The following YEATS4 variants were observed in gnomAD, a reference collection of about 807,000 sequenced individuals.
YEATS4 encodes the protein YEATS domain containing 4, also known as YEATS domain-containing protein 4.
In YEATS4, 17 loss-of-function variants were observed where a neutral mutation model predicts 30.1. That is an observed-to-expected ratio of 0.56 (90% CI 0.39 to 0.85). The LOEUF (loss-of-function observed/expected upper bound fraction) is 0.85, where lower values mean the gene tolerates loss of function less well. YEATS4 is among the 40% of genes least tolerant of loss of function. The probability of loss-of-function intolerance (pLI) is 0.00; values close to 1 mark genes in which losing one functional copy is unlikely to be tolerated. For synonymous variants in YEATS4, 85 were observed against 87.5 expected (o/e 0.97, Z 0.16); for missense variants, 142 against 268.3 (o/e 0.53, Z 3.29).
intron 6 of YEATS4, among the ~76,000 whole-genome samples, chr12:69,380,866 C>T (rs979623128): frequency 6.6e-6 from 1 of 152,096 alleles, no homozygotes. Context: ...GCCACAAAAC[C>T]AGCAAGTTTT....
chr12:69,411,155 A>G, the YEATS4 span, among the ~76,000 whole-genome samples: 107,035 of 152,082 alleles, frequency 0.7, 37,816 homozygotes, highest in East Asian at 0.81. Context: ...TTTGAGATAG[A>G]GGCTCACTGT....
the YEATS4 span, among the ~76,000 whole-genome samples, chr12:69,409,341 G>C: frequency 7.9e-5 from 12 of 152,160 alleles, no homozygotes; most frequent in Non-Finnish European, 1.5e-4. Context: ...TTTTGGCCAG[G>C]TGTGGTGGCT....
intron 1 of YEATS4, among the ~76,000 whole-genome samples, chr12:69,360,450 C>T (rs1477514650): frequency 6.6e-6 from 1 of 152,110 alleles, no homozygotes; most frequent in South Asian, 2.1e-4. Flanking sequence ...TTTCCAAGTG[C>T]GGTAACTGAG....
chr12:69,400,259 A>G, the YEATS4 span, among the ~76,000 whole-genome samples: 1 of 152,146 alleles, frequency 6.6e-6, no homozygotes, highest in Non-Finnish European at 1.5e-5. Flanking sequence ...GCTTTGCCCA[A>G]GGTCACATAC....
chr12:69,418,550 T>C, the YEATS4 span, among the ~76,000 whole-genome samples: 275 of 152,316 alleles, frequency 1.8e-3, 2 homozygotes, highest in African/African-American at 6.3e-3. Context: ...CAAATGCTCA[T>C]CTAAAACATT....
intron 2 of YEATS4, among the ~76,000 whole-genome samples, chr12:69,364,883 G>C (rs1390938739): frequency 6.6e-6 from 1 of 152,046 alleles, no homozygotes; most frequent in Non-Finnish European, 1.5e-5. Context: ...GCCTCCCAAA[G>C]TGCTGGGATT....
chr12:69,397,578 C>T, the YEATS4 span, among the ~76,000 whole-genome samples: 2 of 152,204 alleles, frequency 1.3e-5, no homozygotes, highest in Non-Finnish European at 2.9e-5. Flanking sequence ...CATGCCTTTG[C>T]TCATCTTTCA....
the YEATS4 span, among the ~76,000 whole-genome samples, chr12:69,412,768 G>C: frequency 6.6e-6 from 1 of 152,184 alleles, no homozygotes; most frequent in Non-Finnish European, 1.5e-5. Flanking sequence ...GAGTGCATAG[G>C]CTTGGGCTAC....
intron 6 of YEATS4, among the ~76,000 whole-genome samples, chr12:69,388,630 TG>T (rs1781807788): frequency 6.6e-6 from 1 of 152,248 alleles, no homozygotes; most frequent in African/African-American, 2.4e-5. Context: ...CATATCCAAG[TG>T]GCATATTTAA....
intron 4 of YEATS4, among the ~76,000 whole-genome samples, chr12:69,367,237 C>A (rs1875470173): frequency 6.6e-6 from 1 of 152,086 alleles, no homozygotes; most frequent in South Asian, 2.1e-4. Context: ...CCTTAGTTTT[C>A]TTTTCTCATG....
At chr12:69,419,215 CTT>C in the YEATS4 span, among the ~76,000 whole-genome samples, 760 of 116,524 alleles carry the variant, frequency 6.5e-3, 12 homozygotes, top group African/African-American at 0.022. Context: ...TCCTATTTTA[CTT>C]TTTTTTTTTT....
chr12:69,394,761 A>C (rs1044289570), downstream of YEATS4, among the ~76,000 whole-genome samples: 1 of 152,098 alleles, frequency 6.6e-6, no homozygotes. Flanking sequence ...CACCATGCCC[A>C]GCTAATTTTT....
chr12:69,387,003 AC>A (rs948386058), intron 6 of YEATS4, among the ~76,000 whole-genome samples: 4 of 150,972 alleles, frequency 2.6e-5, no homozygotes, highest in Admixed American at 6.6e-5. Context: ...TCCCCACCCC[AC>A]CCCCCAAAAA....
At chr12:69,374,734 A>C (rs1025236453) in intron 6 of YEATS4, among the ~76,000 whole-genome samples, 7 of 151,384 alleles carry the variant, frequency 4.6e-5, no homozygotes, top group Admixed American at 3.3e-4. Flanking sequence ...AGGCAGAAGA[A>C]TTTTTCTTAG....
chr12:69,426,759 A>AT, the YEATS4 span, among the ~76,000 whole-genome samples: 4 of 152,184 alleles, frequency 2.6e-5, no homozygotes, highest in Non-Finnish European at 5.9e-5. Flanking sequence ...ACCATTATCT[A>AT]TGGGGGCATT....
chr12:69,400,585 C>T, the YEATS4 span, among the ~76,000 whole-genome samples: 4 of 151,716 alleles, frequency 2.6e-5, no homozygotes, highest in Non-Finnish European at 5.9e-5. Flanking sequence ...TGGTGGCTTA[C>T]GCCTGTAATC....
the YEATS4 span, among the ~76,000 whole-genome samples, chr12:69,414,590 A>G: frequency 6.6e-6 from 1 of 152,232 alleles, no homozygotes; most frequent in Non-Finnish European, 1.5e-5. Flanking sequence ...CTATACAGGA[A>G]TAGGAAAAGA....
chr12:69,407,380 T>TATTA, the YEATS4 span, among the ~76,000 whole-genome samples: 1 of 152,146 alleles, frequency 6.6e-6, no homozygotes, highest in East Asian at 1.9e-4. Flanking sequence ...GCTGAATACA[T>TATTA]ATTAATTAAT....
chr12:69,400,006 A>AT, the YEATS4 span, among the ~76,000 whole-genome samples: 1 of 152,080 alleles, frequency 6.6e-6, no homozygotes. Context: ...TGGGTGCAGA[A>AT]TTTTTTTACG....
Sources: allele counts gnomAD v4.1 joint callset (sites outside exome capture counted in the v4.1 genomes callset), GRCh38; gene constraint gnomAD v4.1.1; transcripts MANE v1.5; gene names NCBI Gene and HGNC (gene_info 2026-07-23, HGNC 2026-07-21).